Variants in FSTL4 observed in about 807,000 individuals in gnomAD.
FSTL4 encodes the protein follistatin-related protein 4.
In FSTL4, 28 loss-of-function variants were observed where a neutral mutation model predicts 78.2. The ratio of observed to expected loss-of-function variants is 0.36; its 90% confidence interval spans 0.27 to 0.49. FSTL4 has a LOEUF of 0.49. FSTL4 is among the 20% of genes least tolerant of loss of function. The pLI, the probability that FSTL4 is intolerant of heterozygous loss-of-function variation, is 0.98. For synonymous variants in FSTL4, 422 were observed against 440.5 expected, an observed-to-expected ratio of 0.96 and a Z score of 0.53; for missense variants, 922 against 1,084.9, an observed-to-expected ratio of 0.85 and a Z score of 2.11.
At chr5:133,572,856 T>G (rs557183228) in intron 2 of FSTL4, among the ~76,000 whole-genome samples, 1 of 152,156 alleles carries the variant, frequency 6.6e-6, no homozygotes, top group East Asian at 1.9e-4. Flanking sequence ...AAAGAAGACA[T>G]GAAAGGCAGA....
chr5:133,300,497 T>G (rs1383752254), intron 6 of FSTL4, among the ~76,000 whole-genome samples: 4 of 152,180 alleles, frequency 2.6e-5, no homozygotes, highest in Admixed American at 1.3e-4. Context: ...CCTCCCCAGC[T>G]GTGGCCTGGT....
At chr5:133,469,852 C>G (rs1441721982) in intron 3 of FSTL4, among the ~76,000 whole-genome samples, 1 of 152,032 alleles carries the variant, frequency 6.6e-6, no homozygotes, top group South Asian at 2.1e-4. Flanking sequence ...GTACAGGGAG[C>G]CCACCTCCAA....
chr5:133,262,359 G>A (rs757606514), intron 6 of FSTL4, among the ~76,000 whole-genome samples: 8 of 152,210 alleles, frequency 5.3e-5, no homozygotes, highest in Non-Finnish European at 8.8e-5. Flanking sequence ...GCACACTTGA[G>A]TGCCTTTGCA....
chr5:133,511,970 A>G (rs1758743644), intron 3 of FSTL4, among the ~76,000 whole-genome samples: 1 of 152,078 alleles, frequency 6.6e-6, no homozygotes. Context: ...GACCAGTTCC[A>G]GTTTCATGGC....
At chr5:133,609,837 T>C (rs943395733) in intron 1 of FSTL4, among the ~76,000 whole-genome samples, 1 of 152,252 alleles carries the variant, frequency 6.6e-6, no homozygotes, top group African/African-American at 2.4e-5. Flanking sequence ...ATGCTCTTGA[T>C]TGCAGTTCTA....
At chr5:133,741,386 C>T in the FSTL4 span, among the ~76,000 whole-genome samples, 2 of 152,252 alleles carry the variant, frequency 1.3e-5, no homozygotes, top group African/African-American at 2.4e-5. Context: ...CCAGCCCCAC[C>T]TTGAGGAAAG....
intron 2 of FSTL4, among the ~76,000 whole-genome samples, chr5:133,601,516 T>G (rs1172780514): frequency 6.6e-6 from 1 of 151,828 alleles, no homozygotes. Flanking sequence ...AGCAAAGACA[T>G]AGAAAGGAGA....
chr5:133,710,493 C>T, the FSTL4 span, among the ~76,000 whole-genome samples: 2 of 152,208 alleles, frequency 1.3e-5, no homozygotes, highest in African/African-American at 4.8e-5. Context: ...TACTTTCTTA[C>T]CCCAAATCCT....
intron 7 of FSTL4, chr5:133,248,925 A>G: frequency 6.2e-6 from 1 of 160,238 alleles, no homozygotes; most frequent in Non-Finnish European, 1.4e-5. Flanking sequence ...CCAGTGGCTC[A>G]CCTCTGCCCT....
the FSTL4 span, among the ~76,000 whole-genome samples, chr5:133,747,529 C>T: frequency 4.6e-5 from 7 of 152,226 alleles, no homozygotes; most frequent in African/African-American, 1.4e-4. Flanking sequence ...AAAATTGGCT[C>T]AGCCTACCCA....
the FSTL4 span, among the ~76,000 whole-genome samples, chr5:133,704,136 G>T: frequency 6.6e-6 from 1 of 152,140 alleles, no homozygotes; most frequent in South Asian, 2.1e-4. Flanking sequence ...GATCTTGACT[G>T]GTAGCAGAGG....
At chr5:133,734,445 C>A in the FSTL4 span, among the ~76,000 whole-genome samples, 17 of 151,832 alleles carry the variant, frequency 1.1e-4, no homozygotes, top group African/African-American at 3.9e-4. Context: ...GCAAAATACT[C>A]CAGCAAAAAT....
rs766583234 is a variant in FSTL4 at position 133,249,463 on chromosome 5, T to A, written c.841A>T (p.Ile281Phe). The change falls in exon 7 of 16, where the codon ATC (isoleucine) becomes TTC (phenylalanine). Residue 281 changes from isoleucine to phenylalanine, a missense_variant. By Grantham distance (21) the Ile-to-Phe change is conservative. Transcript: ENST00000265342. ...AVHGDLRPPIIWKRNGLTLNF... is the reference protein window; with the variant it reads ...AVHGDLRPPIFWKRNGLTLNF... The stretch of plus-strand genomic sequence containing the variant: ...AGGGTGAGCCCGTTGCGCTTCCAGA[T>A]GATTGGTGGCCTCAGGTCTCCATGG... 56 of 1,613,888 alleles carry A rather than the reference T, an allele frequency of 3.5e-5. No homozygotes were observed. Among genetic ancestry groups the A allele is most frequent in the Non-Finnish European group, 4.7e-5 (55 of 1,179,916 alleles).
intron 14 of FSTL4, 52 bp downstream of exon 14, chr5:133,210,139 G>C: frequency 1.1e-6 from 1 of 924,858 alleles, no homozygotes; most frequent in South Asian, 1.4e-5. Flanking sequence ...TATAGGGAGA[G>C]AGTTCTTCTC....
At chr5:133,218,718 T>C (rs905937332) in intron 12 of FSTL4, among the ~76,000 whole-genome samples, 1 of 152,222 alleles carries the variant, frequency 6.6e-6, no homozygotes, top group African/African-American at 2.4e-5. Context: ...CCTTCAGGTC[T>C]CTGCTTAGTA....
Position 133,196,494 on chromosome 5 carries a change from G to A in FSTL4, c.*2601C>T, listed in dbSNP as rs1036819412. 6.6e-6 allele frequency: 1 copy of A among 152,136 alleles called. No individual in the cohort carries two copies. The highest frequency in any genetic ancestry group is 1.5e-5 in the Non-Finnish European group (1 of 68,022). 9.4% of individuals were successfully genotyped at this position (152,136 alleles called of 1,614,324 possible). A position where few individuals can be genotyped will look rare whatever the true frequency, so the allele number is the denominator to read the frequency against. On this transcript the variant is annotated 3_prime_UTR_variant, in exon 16 of 16. Transcript: ENST00000265342. ...ATTTTATTTCAAAATGACTGAGGGGGTTTATATAAATAGCTTTCTTGATGA... is the reference window on the plus strand; with the variant it reads ...ATTTTATTTCAAAATGACTGAGGGGATTTATATAAATAGCTTTCTTGATGA...
chr5:133,349,293 CTCTG>C (rs1427569811), intron 4 of FSTL4, among the ~76,000 whole-genome samples: 25 of 99,310 alleles, frequency 2.5e-4, no homozygotes, highest in South Asian at 1.4e-3. Flanking sequence ...AAGCCTCTCT[CTCTG>C]TGTGTGTGTG....
At chr5:133,736,865 G>A in the FSTL4 span, among the ~76,000 whole-genome samples, 1 of 152,176 alleles carries the variant, frequency 6.6e-6, no homozygotes, top group Admixed American at 6.5e-5. Context: ...GTGAGAGGCT[G>A]GCTGTGGGAG....
Position 133,269,890 on chromosome 5 carries a change from C to T in FSTL4, c.728-20314G>A, listed in dbSNP as rs184271783. On this transcript the variant is annotated intron_variant, in intron 6 of 15. Transcript: ENST00000265342. Reference sequence around the variant, plus strand: ...CTTAGAGAGGAGGTCTCAAATTTGACGGCATCTGTTGCTGCCTATCCAGTT... The same window carrying T: ...CTTAGAGAGGAGGTCTCAAATTTGATGGCATCTGTTGCTGCCTATCCAGTT... 2.6e-5 allele frequency among the ~76,000 whole-genome samples: 4 copies of T among 152,360 alleles called. No homozygotes were observed. The East Asian group carries it at 7.7e-4, about 29-fold the overall frequency.
Sources: gnomAD v4.1 joint callset for allele counts (sites outside exome capture counted in the v4.1 genomes callset) on GRCh38, gnomAD v4.1.1 for gene constraint, MANE v1.5 for transcripts, NCBI Gene and HGNC (gene_info 2026-07-23, HGNC 2026-07-21) for gene names.